The following UMOD variants were observed in gnomAD, a reference collection of about 807,000 sequenced individuals.
UMOD encodes uromodulin, also known as Tamm-Horsfall urinary glycoprotein.
In UMOD, 64 loss-of-function variants were observed where a neutral mutation model predicts 66.0. The ratio of observed to expected loss-of-function variants is 0.97; its 90% confidence interval spans 0.79 to 1.19. The LOEUF (loss-of-function observed/expected upper bound fraction) is 1.19, where lower values mean the gene tolerates loss of function less well. Ranked by LOEUF, UMOD falls within the 50% of genes most tolerant of loss-of-function variation. The probability of loss-of-function intolerance (pLI) is 0.00; values close to 1 mark genes in which losing one functional copy is unlikely to be tolerated. For missense variants in UMOD, 764 were observed against 850.9 expected, an observed-to-expected ratio of 0.90 and a Z score of 1.27; for synonymous variants, 398 against 352.7, an observed-to-expected ratio of 1.13 and a Z score of -1.44.
At chr16:20,353,710 G>A (rs1965982186), upstream of UMOD, among the ~76,000 whole-genome samples, 1 of 151,918 alleles carries the variant, frequency 6.6e-6, no homozygotes, top group Admixed American at 6.6e-5. Flanking sequence ...AATAAAATAT[G>A]TGTGAACTTG....
chr16:20,355,802 G>A (rs1275366558), upstream of UMOD, among the ~76,000 whole-genome samples: 1 of 152,124 alleles, frequency 6.6e-6, no homozygotes, highest in Non-Finnish European at 1.5e-5. Flanking sequence ...GTCAGACACT[G>A]TGCTCAGTGC....
chr16:20,333,850 C>T (rs181819946), intron 10 of UMOD, among the ~76,000 whole-genome samples: 23 of 152,132 alleles, frequency 1.5e-4, no homozygotes, highest in African/African-American at 3.1e-4. Flanking sequence ...CCTGGCCACA[C>T]GGAGAAACCC....
At chr16:20,335,658 C>G in intron 9 of UMOD, 138 bp from the exon 10 acceptor site, 1 of 816,302 alleles carries the variant, frequency 1.2e-6, no homozygotes, top group Non-Finnish European at 2.1e-6. Context: ...TCATGTTACT[C>G]CCCTACTTCA....
chr16:20,343,999 C>T, intron 6 of UMOD, 25 bp downstream of exon 6: 1 of 1,612,656 alleles, frequency 6.2e-7, no homozygotes, highest in Non-Finnish European at 8.5e-7. Context: ...CATCTAGGGG[C>T]CCTAGGGACC....
At chr16:20,355,189 T>C (rs1966012189), upstream of UMOD, among the ~76,000 whole-genome samples, 2 of 152,140 alleles carry the variant, frequency 1.3e-5, no homozygotes, top group African/African-American at 2.4e-5. Flanking sequence ...TCCCCTTCTC[T>C]TGGGATCTGT....
At chr16:20,349,554 C>A (rs1244736496) in intron 2 of UMOD, among the ~76,000 whole-genome samples, 1 of 152,186 alleles carries the variant, frequency 6.6e-6, no homozygotes, top group Non-Finnish European at 1.5e-5. Flanking sequence ...CAAGCCACCA[C>A]CGCACCCTGC....
At position 20,336,627 on chromosome 16, in the gene UMOD, G is replaced by A. The variant is rs771888561; in HGVS notation, c.1822+19C>T. 17 of 1,611,144 alleles carry A rather than the reference G, an allele frequency of 1.1e-5. No individual in the cohort carries two copies. Among genetic ancestry groups the A allele is most frequent in the Non-Finnish European group, 1.4e-5 (16 of 1,177,430 alleles). ...ATCTTTCCCAGCCAGGAATGTTGAG[G>A]AGCGAGTGGCTCTCTTACCTTTCCG... On this transcript the variant is annotated intron_variant, in intron 9 of 10. Coordinates refer to ENST00000396138, the MANE Select transcript of UMOD (RefSeq NM_003361.4).
intron 4 of UMOD, 92 bp downstream of exon 4, chr16:20,348,131 C>T (rs888478773): frequency 9.0e-7 from 1 of 1,116,516 alleles, no homozygotes; most frequent in African/African-American, 1.5e-5. Context: ...GCGTCATACC[C>T]ATATGGCCCC....
At chr16:20,350,617 C>T in intron 2 of UMOD, 33 bp downstream of exon 2, 1 of 1,612,556 alleles carries the variant, frequency 6.2e-7, no homozygotes, top group South Asian at 1.1e-5. Context: ...CGTGCATACA[C>T]ACATATACAA....
In UMOD at chr16:20,337,207, CAG is replaced by C. The variant is rs1468857387; in HGVS notation, c.1740+82_1740+83del. 1.9e-6 allele frequency: 3 copies of C among 1,551,700 alleles called. No individual in the cohort carries two copies. In the Admixed American group the frequency reaches 5.3e-5, roughly 28 times the overall value. On this transcript the variant is annotated intron_variant, in intron 8 of 10. Coordinates refer to ENST00000396138, the MANE Select transcript of UMOD (RefSeq NM_003361.4). ...CTATCCCTCTGGTAAAAGAGGGAAA[CAG>C]GGAAGAAATATTGATTTGTTTTCTT...
chr16:20,336,833 G>A (rs1964902036), intron 8 of UMOD, 106 bp from the exon 9 acceptor site: 2 of 1,012,708 alleles, frequency 2.0e-6, no homozygotes, highest in South Asian at 1.3e-5. Context: ...CCTTGCCCCA[G>A]GCAGAAGTTG....
rs540738762 is a variant in UMOD at position 20,336,630 on chromosome 16, C to T, written c.1822+16G>A. 20 of 1,611,398 alleles carry T rather than the reference C, an allele frequency of 1.2e-5. No homozygotes were observed. The highest frequency in any genetic ancestry group is 8.8e-5 in the South Asian group (8 of 91,010). On this transcript the variant is annotated intron_variant, in intron 9 of 10. Transcript: ENST00000396138. ...TTTCCCAGCCAGGAATGTTGAGGAG[C>T]GAGTGGCTCTCTTACCTTTCCGTGT...
At position 20,338,287 on chromosome 16, in the gene UMOD, A is replaced by T. The variant is rs377047906; in HGVS notation, c.1578-834T>A. 5.1e-4 allele frequency among the ~76,000 whole-genome samples: 77 copies of T among 152,238 alleles called. 1 individual carries two copies. In the South Asian group the frequency reaches 0.016, roughly 31 times the overall value. On this transcript the variant is annotated intron_variant, in intron 7 of 10. Coordinates refer to ENST00000396138, the MANE Select transcript of UMOD (RefSeq NM_003361.4). ...TCCACGTGCTCAAGCCAACCTGGACATCCATGTGTCCCCTCCAGTCACTTT... is the reference window on the plus strand; with the variant it reads ...TCCACGTGCTCAAGCCAACCTGGACTTCCATGTGTCCCCTCCAGTCACTTT...
chr16:20,344,660 G>A (rs1965442357), intron 5 of UMOD, among the ~76,000 whole-genome samples: 1 of 143,750 alleles, frequency 7.0e-6, no homozygotes, highest in Non-Finnish European at 1.5e-5. Flanking sequence ...TGAACAACGA[G>A]CCAATTAATC....
intron 6 of UMOD, among the ~76,000 whole-genome samples, chr16:20,342,975 C>A (rs1345991800): frequency 2.0e-5 from 3 of 151,972 alleles, no homozygotes. Flanking sequence ...ACTAAAAATA[C>A]AAAACTTAGC....
At chr16:20,339,852 C>T (rs536481521) in intron 7 of UMOD, among the ~76,000 whole-genome samples, 1 of 152,312 alleles carries the variant, frequency 6.6e-6, no homozygotes, top group East Asian at 1.9e-4. Context: ...CGACACACAG[C>T]AAGCTTCCAA....
chr16:20,347,845 C>T (rs2141671486), intron 4 of UMOD, among the ~76,000 whole-genome samples: 1 of 152,272 alleles, frequency 6.6e-6, no homozygotes, highest in African/African-American at 2.4e-5. Flanking sequence ...GGTCATCAGG[C>T]CTGAGCTGAT....
chr16:20,348,575 G>A lies in UMOD; in HGVS notation c.726C>T (p.Ile242=), dbSNP rs968607613. 13 of 1,595,534 alleles carry A rather than the reference G, an allele frequency of 8.1e-6. No homozygotes were observed. The highest frequency in any genetic ancestry group is 1.3e-5 in the African/African-American group (1 of 74,750). ...AGTGCGCGCAGGCCTTGCGGCTCAC[G>A]ATGCCCTCGTCGCTGGACGGATGCG... is the stretch of plus-strand genomic sequence containing the variant. ...NGTHPSSDEG[I]VSRKACAHWS... is the part of the protein sequence containing the mutation. The change falls in exon 3 of 11, where the codon ATC becomes ATT. Residue 242 remains isoleucine (I), a synonymous_variant. Transcript: ENST00000396138.
At chr16:20,353,760 CTT>C (rs11363409), upstream of UMOD, among the ~76,000 whole-genome samples, 10 of 147,562 alleles carry the variant, frequency 6.8e-5, no homozygotes, top group African/African-American at 2.0e-4. Flanking sequence ...CTGCATTGAT[CTT>C]TTTTTTTTTT....
Sources: allele counts gnomAD v4.1 joint callset (sites outside exome capture counted in the v4.1 genomes callset), GRCh38; gene constraint gnomAD v4.1.1; transcripts MANE v1.5; gene names NCBI Gene and HGNC (gene_info 2026-07-23, HGNC 2026-07-21).